The following STX7 variants were observed in gnomAD, a reference collection of about 807,000 sequenced individuals.
STX7 encodes the protein syntaxin-7.
In STX7, 34 loss-of-function variants were observed where a neutral mutation model predicts 39.6. The observed-to-expected ratio is 0.86, with a 90% CI of 0.65 to 1.14. The LOEUF (loss-of-function observed/expected upper bound fraction) is 1.14, where lower values mean the gene tolerates loss of function less well. STX7 is among the 50% of genes most tolerant of loss of function. The pLI is 0.00. For synonymous variants in STX7, 119 were observed against 99.1 expected, an observed-to-expected ratio of 1.20 and a Z score of -1.19; for missense variants, 284 against 310.4, an observed-to-expected ratio of 0.92 and a Z score of 0.64.
intron 3 of STX7, among the ~76,000 whole-genome samples, chr6:132,472,764 T>C (rs1448553828): frequency 6.6e-6 from 1 of 152,146 alleles, no homozygotes; most frequent in Non-Finnish European, 1.5e-5. Flanking sequence ...AAGAAAAGAT[T>C]TGTTACCTTA....
Position 132,472,291 on chromosome 6 carries a change from G to A in STX7, c.240C>T (p.Pro80=), listed in dbSNP as rs754122704. ...IKEFGSLPTT[P]SEQRQRKIQK... is the part of the protein sequence containing the mutation. ...TCTTAAAGCTTGATACCTGTTCACT[G>A]GGGGTGGTGGGCAGAGATCCAAACT... The change falls in exon 4 of 10, where the codon CCC becomes CCT. Residue 80 remains proline, a synonymous_variant. Transcript: ENST00000367941. 1 of 1,612,178 alleles carries A rather than the reference G, an allele frequency of 6.2e-7. No individual in the cohort carries two copies. The highest frequency in any genetic ancestry group is 8.5e-7 in the Non-Finnish European group (1 of 1,179,220).
rs1212736170 is a variant in STX7 at position 132,451,602 on chromosome 6, A to G, written c.*9156T>C. ...TAAACAGAAAGGAAATGATAAATGA[A>G]GGAGTTTTGGAATATCAGACATCAA... On this transcript the variant is annotated 3_prime_UTR_variant, in exon 10 of 10. Coordinates refer to ENST00000367941, the MANE Select transcript of STX7 (RefSeq NM_003569.3). The G allele has an allele frequency of 6.6e-6, 1 of 152,206 alleles. No individual in the cohort carries two copies. Among genetic ancestry groups the G allele is most frequent in the East Asian group, 1.9e-4 (1 of 5,198 alleles). The allele number at this position is 152,206 out of a possible 1,614,324, so 9.4% of individuals were successfully genotyped here.
At position 132,458,437 on chromosome 6, in the gene STX7, A is replaced by C. The variant is rs1469685536; in HGVS notation, c.*2321T>G. 6.6e-6 allele frequency: 1 copy of C among 152,230 alleles called. No homozygotes were observed. Among genetic ancestry groups the C allele is most frequent in the East Asian group, 1.9e-4 (1 of 5,198 alleles). 9.4% of individuals were successfully genotyped at this position (152,230 alleles called of 1,614,324 possible). A position where few individuals can be genotyped will look rare whatever the true frequency, so the allele number is the denominator to read the frequency against. ...AATAAACAGCCAAATACCTAATGCC[A>C]CATTGTCGTTCAATTTACCTGGCTG... On this transcript the variant is annotated 3_prime_UTR_variant, in exon 10 of 10. Coordinates refer to ENST00000367941, the MANE Select transcript of STX7 (RefSeq NM_003569.3).
chr6:132,474,276 T>TC (rs1774814613), intron 3 of STX7, among the ~76,000 whole-genome samples: 2 of 150,938 alleles, frequency 1.3e-5, no homozygotes, highest in South Asian at 4.2e-4. Flanking sequence ...GGATATATAT[T>TC]CAGAATCTTC....
At chr6:132,477,136 C>T (rs1774894527) in intron 2 of STX7, among the ~76,000 whole-genome samples, 1 of 152,104 alleles carries the variant, frequency 6.6e-6, no homozygotes, top group Non-Finnish European at 1.5e-5. Flanking sequence ...TATAGCAACT[C>T]TTAGCATTTG....
At position 132,454,493 on chromosome 6, in the gene STX7, C is replaced by G. The variant is rs191824831; in HGVS notation, c.*6265G>C. The G allele has an allele frequency of 3.9e-5, 6 of 152,272 alleles. No homozygotes were observed. Among genetic ancestry groups the G allele is most frequent in the Admixed American group, 3.9e-4 (6 of 15,288 alleles). 9.4% of individuals were successfully genotyped at this position (152,272 alleles called of 1,614,324 possible). A position where few individuals can be genotyped will look rare whatever the true frequency, so the allele number is the denominator to read the frequency against. ...AAAGAGGTCTCTGTATTATTTCTTA[C>G]AACAGCATGTGAATCTAGTTTCTCA... On this transcript the variant is annotated 3_prime_UTR_variant, in exon 10 of 10. Coordinates refer to ENST00000367941, the MANE Select transcript of STX7 (RefSeq NM_003569.3).
chr6:132,495,939 G>T (rs533022063), intron 2 of STX7, among the ~76,000 whole-genome samples: 2 of 152,142 alleles, frequency 1.3e-5, no homozygotes, highest in African/African-American at 4.8e-5. Flanking sequence ...TTAAACTAAA[G>T]TCTATGCTGA....
intron 2 of STX7, among the ~76,000 whole-genome samples, chr6:132,500,932 C>T (rs556429213): frequency 6.6e-6 from 1 of 152,308 alleles, no homozygotes; most frequent in African/African-American, 2.4e-5. Context: ...AATCTGACTA[C>T]CTGTAGCTTC....
At position 132,447,670 on chromosome 6, in the gene STX7, T is replaced by C. The variant is rs972518923; in HGVS notation, c.*13088A>G. 3 of 152,174 alleles carry C rather than the reference T, an allele frequency of 2.0e-5. No individual in the cohort carries two copies. Among genetic ancestry groups the C allele is most frequent in the Non-Finnish European group, 4.4e-5 (3 of 68,000 alleles). 9.4% of individuals were successfully genotyped at this position (152,174 alleles called of 1,614,324 possible). A position where few individuals can be genotyped will look rare whatever the true frequency, so the allele number is the denominator to read the frequency against. On this transcript the variant is annotated 3_prime_UTR_variant, in exon 10 of 10. Transcript: ENST00000367941. ...TTGAGAGTCTCCTTATCCTTATTAA[T>C]GCTTTTCACTTTAATATTTGTAAGG...
In STX7 at chr6:132,460,730, T is replaced by C; in HGVS notation, c.*28A>G. 6.8e-7 allele frequency: 1 copy of C among 1,478,664 alleles called. No homozygotes were observed. The highest frequency in any genetic ancestry group is 9.4e-7 in the Non-Finnish European group (1 of 1,064,462). The allele number at this position is 1,478,664 out of a possible 1,614,324, so 91.6% of individuals were successfully genotyped here. On this transcript the variant is annotated 3_prime_UTR_variant, in exon 10 of 10. Transcript: ENST00000367941. ...ATCTTCCTACATAATTTAGACAATG[T>C]AGTGCGACAGTGTGCTCCTTTATAA... is the stretch of plus-strand genomic sequence containing the variant.
chr6:132,484,439 C>T (rs910067690), intron 2 of STX7, among the ~76,000 whole-genome samples: 2 of 152,154 alleles, frequency 1.3e-5, no homozygotes, highest in African/African-American at 2.4e-5. Context: ...GCTATTAATA[C>T]ATAATGTTAC....
chr6:132,475,539 A>T, intron 3 of STX7, 54 bp downstream of exon 3: 1 of 1,274,446 alleles, frequency 7.8e-7, no homozygotes. Flanking sequence ...AAGCAACAGA[A>T]TAATAGCAAT....
chr6:132,512,725 A>T (rs971278226), intron 1 of STX7, among the ~76,000 whole-genome samples: 1 of 151,910 alleles, frequency 6.6e-6, no homozygotes, highest in Non-Finnish European at 1.5e-5. Flanking sequence ...TGCCCAGGGG[A>T]CCGCGGCGGG....
Position 132,446,185 on chromosome 6 carries a change from A to T in STX7, c.*14573T>A, listed in dbSNP as rs1774007804. ...TCGAAGCTCAATAGCAACACTGTTC[A>T]TCCATGGTTCAATTCAGATTGTAAT... On this transcript the variant is annotated 3_prime_UTR_variant, in exon 10 of 10. Transcript: ENST00000367941. 1 of 152,216 alleles carries T rather than the reference A, an allele frequency of 6.6e-6. No individual in the cohort carries two copies. Among genetic ancestry groups the T allele is most frequent in the African/African-American group, 2.4e-5 (1 of 41,460 alleles). The allele number at this position is 152,216 out of a possible 1,614,324, so 9.4% of individuals were successfully genotyped here.
At chr6:132,507,440 T>C (rs924264116) in intron 1 of STX7, among the ~76,000 whole-genome samples, 11 of 152,222 alleles carry the variant, frequency 7.2e-5, no homozygotes, top group Admixed American at 3.9e-4. Flanking sequence ...AAAGGAAAGT[T>C]TGTAATCATT....
At position 132,459,123 on chromosome 6, in the gene STX7, TG is replaced by T. The variant is rs1774323138; in HGVS notation, c.*1634del. 6.6e-6 allele frequency: 1 copy of T among 152,212 alleles called. No individual in the cohort carries two copies. The highest frequency in any genetic ancestry group is 2.4e-5 in the African/African-American group (1 of 41,420). The allele number at this position is 152,212 out of a possible 1,614,324, so 9.4% of individuals were successfully genotyped here. ...AAAGACCACATTTGAGCAGGCCTGG[TG>T]GGCTGGCACAGGCCTCAGAACAGGT... is the stretch of plus-strand genomic sequence containing the variant. On this transcript the variant is annotated 3_prime_UTR_variant, in exon 10 of 10. Transcript: ENST00000367941.
Position 132,454,872 on chromosome 6 carries a change from G to A in STX7, c.*5886C>T, listed in dbSNP as rs2114327652. ...GGTTATCTTACTATTAGCAAATTTT[G>A]GTATATACCCACTGCAAAATAGTAC... is the stretch of plus-strand genomic sequence containing the variant. On this transcript the variant is annotated 3_prime_UTR_variant, in exon 10 of 10. Transcript: ENST00000367941. The A allele has an allele frequency of 6.6e-6, 1 of 152,128 alleles. No individual in the cohort carries two copies. Among genetic ancestry groups the A allele is most frequent in the African/African-American group, 2.4e-5 (1 of 41,502 alleles). 9.4% of individuals were successfully genotyped at this position (152,128 alleles called of 1,614,324 possible).
At chr6:132,481,071 A>G (rs1775003903) in intron 2 of STX7, among the ~76,000 whole-genome samples, 1 of 152,224 alleles carries the variant, frequency 6.6e-6, no homozygotes, top group South Asian at 2.1e-4. Flanking sequence ...GGAACTGAAT[A>G]GACCTCAGTT....
At chr6:132,484,652 G>GA (rs966388999) in intron 2 of STX7, among the ~76,000 whole-genome samples, 8 of 151,130 alleles carry the variant, frequency 5.3e-5, no homozygotes, top group East Asian at 1.9e-4. Context: ...GCCAAACATA[G>GA]AAAAAAAAAT....
Sources: allele counts gnomAD v4.1 joint callset (sites outside exome capture counted in the v4.1 genomes callset), GRCh38; gene constraint gnomAD v4.1.1; transcripts MANE v1.5; gene names NCBI Gene and HGNC (gene_info 2026-07-23, HGNC 2026-07-21).